Variants in LARS1 observed in about 807,000 individuals in gnomAD.
LARS1 encodes leucine--tRNA ligase, cytoplasmic.
A neutral mutation model predicts 162.8 loss-of-function variants in LARS1; 100 were observed. That is an observed-to-expected ratio of 0.61 (90% CI 0.52 to 0.73). LARS1 has a LOEUF of 0.73. LARS1 is among the 30% of genes least tolerant of loss of function. LARS1 has a pLI of 0.00. For synonymous variants in LARS1, 457 were observed against 462.8 expected, an observed-to-expected ratio of 0.99 and a Z score of 0.16; for missense variants, 1,258 against 1,408.9, an observed-to-expected ratio of 0.89 and a Z score of 1.71.
chr5:146,134,942 C>A (rs1752442898), intron 22 of LARS1, among the ~76,000 whole-genome samples: 1 of 152,290 alleles, frequency 6.6e-6, no homozygotes, highest in Non-Finnish European at 1.5e-5. Flanking sequence ...GAGCAAGACT[C>A]TGTCTCAGTT....
chr5:146,164,279 T>C, intron 6 of LARS1, 31 bp downstream of exon 6: 1 of 1,489,260 alleles, frequency 6.7e-7, no homozygotes, highest in Non-Finnish European at 9.2e-7. Flanking sequence ...TACTTGTAAA[T>C]GCTTTCCTCA....
intron 21 of LARS1, among the ~76,000 whole-genome samples, chr5:146,137,528 A>G (rs915427665): frequency 2.0e-5 from 3 of 152,218 alleles, no homozygotes; most frequent in African/African-American, 7.2e-5. Flanking sequence ...AGTGATAGTA[A>G]CAGCAGAAGC....
intron 2 of LARS1, among the ~76,000 whole-genome samples, chr5:146,174,566 ATATCCATATATG>A (rs1754456593): frequency 1.2e-5 from 1 of 80,608 alleles, no homozygotes; most frequent in Non-Finnish European, 2.7e-5. Flanking sequence ...ATATATATAT[ATATCCATATATG>A]TATATATCCA....
At chr5:146,117,796 T>C (rs182399253) in intron 31 of LARS1, among the ~76,000 whole-genome samples, 3 of 152,304 alleles carry the variant, frequency 2.0e-5, no homozygotes, top group East Asian at 3.9e-4. Flanking sequence ...AACTTGAAGA[T>C]ATTTTGCTAA....
chr5:146,122,118 A>G (rs185052602), intron 30 of LARS1, among the ~76,000 whole-genome samples: 7 of 152,284 alleles, frequency 4.6e-5, no homozygotes, highest in Admixed American at 4.6e-4. Flanking sequence ...AGCCTTGAAT[A>G]ACAATCAAAC....
Position 146,130,171 on chromosome 5 carries a change from A to G in LARS1, c.2488-13T>C. ...TATCTTTTGCGGCCTATAAAATTTG[A>G]AATTATTTACCATTTCCCTCACCTT... On this transcript the variant is annotated splice_polypyrimidine_tract_variant and intron_variant, in intron 24 of 31. Transcript: ENST00000394434. 6.2e-7 allele frequency: 1 copy of G among 1,610,960 alleles called. No homozygotes were observed. The highest frequency in any genetic ancestry group is 8.5e-7 in the Non-Finnish European group (1 of 1,178,782).
At chr5:146,149,214 AT>A (rs1183847143) in intron 15 of LARS1, among the ~76,000 whole-genome samples, 2 of 152,332 alleles carry the variant, frequency 1.3e-5, no homozygotes, top group East Asian at 3.9e-4. Flanking sequence ...ATTGTCTCTC[AT>A]AGTATTATGG....
intron 1 of LARS1, among the ~76,000 whole-genome samples, chr5:146,178,555 A>G (rs927789394): frequency 2.0e-5 from 3 of 152,002 alleles, no homozygotes; most frequent in Non-Finnish European, 4.4e-5. Context: ...TGGAAGTTGC[A>G]GTGAGCCAAG....
At chr5:146,133,513 G>C (rs1436698390) in intron 22 of LARS1, among the ~76,000 whole-genome samples, 5 of 152,090 alleles carry the variant, frequency 3.3e-5, no homozygotes, top group Admixed American at 1.3e-4. Flanking sequence ...AAATGCATAT[G>C]AATTTTTCTC....
chr5:146,160,436 A>G lies in LARS1; in HGVS notation c.645T>C (p.Asp215=). 6.3e-7 allele frequency: 1 copy of G among 1,585,622 alleles called. No homozygotes were observed. The highest frequency in any genetic ancestry group is 2.3e-5 in the East Asian group (1 of 42,594). Residue 215 remains aspartate, a synonymous_variant, in exon 7 of 32, where the codon GAT becomes GAC. Coordinates refer to ENST00000394434, the MANE Select transcript of LARS1 (RefSeq NM_020117.11). The part of the protein sequence containing the change: ...FITTDVNPYY[D]SFVRWQFLTL... Reference sequence around the variant, plus strand: ...TTAAAAATTGCCATCTGACAAATGAATCATAGTAAGGATTAACATCAGTGG... The same window carrying G: ...TTAAAAATTGCCATCTGACAAATGAGTCATAGTAAGGATTAACATCAGTGG...
chr5:146,144,209 T>C, intron 18 of LARS1, 58 bp downstream of exon 18: 1 of 1,282,426 alleles, frequency 7.8e-7, no homozygotes, highest in South Asian at 1.3e-5. Flanking sequence ...GGTAAAAATG[T>C]ATATTTTCTG....
intron 15 of LARS1, among the ~76,000 whole-genome samples, chr5:146,148,672 T>C (rs1006591207): frequency 6.6e-6 from 1 of 151,270 alleles, no homozygotes; most frequent in Non-Finnish European, 1.5e-5. Context: ...GGGGAAAGAG[T>C]GTAACTTTGA....
At chr5:146,146,209 G>A (rs919961422) in intron 15 of LARS1, among the ~76,000 whole-genome samples, 6 of 151,996 alleles carry the variant, frequency 3.9e-5, no homozygotes, top group South Asian at 2.1e-4. Flanking sequence ...GCATGGTGGC[G>A]CACACCTGTA....
chr5:146,182,428 C>T, intron 1 of LARS1, 60 bp downstream of exon 1: 4 of 1,607,858 alleles, frequency 2.5e-6, no homozygotes, highest in Non-Finnish European at 3.4e-6. Flanking sequence ...CATGGAGAGC[C>T]CCTAGAGACT....
chr5:146,146,344 A>G (rs1753005178), intron 15 of LARS1, among the ~76,000 whole-genome samples: 2 of 144,980 alleles, frequency 1.4e-5, no homozygotes, highest in Non-Finnish European at 3.1e-5. Flanking sequence ...ACTCCGAAAA[A>G]AAAAAAAAAA....
chr5:146,159,283 C>T (rs1753669322), intron 8 of LARS1, 124 bp downstream of exon 8: 3 of 646,864 alleles, frequency 4.6e-6, no homozygotes, highest in Admixed American at 2.7e-5. Context: ...TCTTCATATC[C>T]ACCAGAGTAT....
At position 146,149,619 on chromosome 5, in the gene LARS1, T is replaced by C; in HGVS notation, c.1503+3A>G. Reference sequence around the variant, plus strand: ...AGCCTTCAGAGCATAGCCTATCACATACAGCGTCAATCATCTTTTTCTGAA... The same window carrying C: ...AGCCTTCAGAGCATAGCCTATCACACACAGCGTCAATCATCTTTTTCTGAA... On this transcript the variant is annotated splice_donor_region_variant and intron_variant, in intron 15 of 31. Transcript: ENST00000394434. 6.2e-7 allele frequency: 1 copy of C among 1,606,748 alleles called. No homozygotes were observed. The highest frequency in any genetic ancestry group is 8.5e-7 in the Non-Finnish European group (1 of 1,173,408).
chr5:146,174,901 C>T (rs570906740), intron 2 of LARS1, among the ~76,000 whole-genome samples: 1 of 151,624 alleles, frequency 6.6e-6, no homozygotes, highest in Admixed American at 6.6e-5. Flanking sequence ...CTGGGCAAGA[C>T]AGTGAAACTT....
At chr5:146,147,754 TAATC>T (rs781698896) in intron 15 of LARS1, among the ~76,000 whole-genome samples, 3 of 152,040 alleles carry the variant, frequency 2.0e-5, no homozygotes, top group Non-Finnish European at 4.4e-5. Flanking sequence ...AAAAATAAGA[TAATC>T]AAGAAAAAAG....
Sources: gnomAD v4.1 joint callset for allele counts (sites outside exome capture counted in the v4.1 genomes callset) on GRCh38, gnomAD v4.1.1 for gene constraint, MANE v1.5 for transcripts, NCBI Gene and HGNC (gene_info 2026-07-23, HGNC 2026-07-21) for gene names.